Variants in TBCD observed in about 807,000 individuals in gnomAD.
TBCD encodes tubulin-specific chaperone D.
Under a neutral mutation model 169.3 loss-of-function variants are expected in TBCD, and 105 were observed. The ratio of observed to expected loss-of-function variants is 0.62; its 90% confidence interval spans 0.53 to 0.73. TBCD has a LOEUF of 0.73. TBCD is among the 30% of genes least tolerant of loss of function. The pLI, the probability that TBCD is intolerant of heterozygous loss-of-function variation, is 0.00. For synonymous variants in TBCD, 700 were observed against 643.9 expected (o/e 1.09, Z -1.32); for missense variants, 1,444 against 1,600.1 (o/e 0.90, Z 1.66).
chr17:82,809,622 G>A, intron 11 of TBCD, 86 bp from the exon 12 acceptor site: 1 of 1,385,014 alleles, frequency 7.2e-7, no homozygotes, highest in Non-Finnish European at 1.0e-6. Flanking sequence ...GGAAAGGATG[G>A]GTGTTCAGGC....
rs921785918 is a variant in TBCD, at chr17:82,782,968, GCCTCCTGTCCGCTGTGC to G, written c.771+1260_771+1276del. Among the ~76,000 whole-genome samples the G allele has an allele frequency of 1.3e-5, 2 of 149,210 alleles. No individual in the cohort carries two copies. Among genetic ancestry groups the G allele is most frequent in the Non-Finnish European group, 3.0e-5 (2 of 67,232 alleles). On this transcript the variant is annotated intron_variant, in intron 7 of 38. Transcript: ENST00000355528. This position sits in a 1 kb window ranked among gnomAD's most constrained non-coding sequence, Gnocchi z 5.1. Reference sequence around the variant, plus strand: ...CCGCGGTGCCCTCCTGTCCATGGTGGCCTCCTGTCCGCTGTGCCCTCCTGTCCGCGGCGTCGTCTTCC... The same window carrying G: ...CCGCGGTGCCCTCCTGTCCATGGTGGCCTCCTGTCCGCGGCGTCGTCTTCC...
Position 82,889,665 on chromosome 17 carries a change from C to T in TBCD, c.1534-3C>T, listed in dbSNP as rs776924359. 3 of 1,613,808 alleles carry T rather than the reference C, an allele frequency of 1.9e-6. No individual in the cohort carries two copies. The African/African-American group carries it at 4.0e-5, about 22-fold the overall frequency. On this transcript the variant is annotated splice_polypyrimidine_tract_variant and splice_region_variant and intron_variant, in intron 15 of 38. Transcript: ENST00000355528. The surrounding 1 kb of genome is among the most constrained non-coding windows in gnomAD (Gnocchi z 5.3). ...CCTGCTGTGTTTGTTCTTTGCTCCG[C>T]AGGCCGCCTTCCAGGAGAATGTGGG...
chr17:82,865,336 C>T (rs11870134), intron 13 of TBCD, among the ~76,000 whole-genome samples: 3,726 of 152,264 alleles, frequency 0.024, 176 homozygotes, highest in African/African-American at 0.084. Context: ...CCGTTTCCTG[C>T]GCTCGGGCTC....
intron 13 of TBCD, among the ~76,000 whole-genome samples, chr17:82,869,538 T>C (rs1377147502): frequency 6.6e-6 from 1 of 152,164 alleles, no homozygotes; most frequent in Non-Finnish European, 1.5e-5. Flanking sequence ...AAGAAATAAA[T>C]GAAATCACAC....
intron 17 of TBCD, among the ~76,000 whole-genome samples, chr17:82,897,143 T>C (rs1416826418): frequency 1.3e-5 from 2 of 152,190 alleles, no homozygotes; most frequent in African/African-American, 4.8e-5. Context: ...TTTCAGATGC[T>C]TCCTTGCTAC....
chr17:82,854,768 G>A (rs568853727), intron 13 of TBCD, among the ~76,000 whole-genome samples: 10 of 152,258 alleles, frequency 6.6e-5, no homozygotes, highest in African/African-American at 2.2e-4. Flanking sequence ...TGCTGGAAAC[G>A]ATGACCAGAA....
At chr17:82,902,429 C>T (rs1470869738) in intron 18 of TBCD, among the ~76,000 whole-genome samples, 1 of 152,280 alleles carries the variant, frequency 6.6e-6, no homozygotes, top group Non-Finnish European at 1.5e-5. Context: ...CTCCGCTTCT[C>T]AGGTGCTTTG....
chr17:82,783,245 C>T (rs967361885), intron 7 of TBCD, among the ~76,000 whole-genome samples: 2 of 152,258 alleles, frequency 1.3e-5, no homozygotes, highest in Middle Eastern at 3.4e-3. Flanking sequence ...AGGTTTCAGA[C>T]GTGTGAGAGA....
chr17:82,803,197 T>C (rs2144719012), intron 9 of TBCD, among the ~76,000 whole-genome samples: 1 of 152,276 alleles, frequency 6.6e-6, no homozygotes, highest in East Asian at 1.9e-4. Flanking sequence ...GCTCGAGGCT[T>C]TGTTAGGGTG....
chr17:82,842,541 G>T (rs769247535), intron 13 of TBCD, among the ~76,000 whole-genome samples: 1 of 152,100 alleles, frequency 6.6e-6, no homozygotes, highest in Non-Finnish European at 1.5e-5. Context: ...GCACTGGAAG[G>T]CCTGCTGCTC....
chr17:82,832,160 C>A lies in TBCD; in HGVS notation c.1318+17226C>A. On this transcript the variant is annotated intron_variant, in intron 13 of 38. Coordinates refer to ENST00000355528, the MANE Select transcript of TBCD (RefSeq NM_005993.5). This position sits in a 1 kb window ranked among gnomAD's most constrained non-coding sequence, Gnocchi z 4.9. ...GCAGAGCTGTGCTGAAGCTTCGAGT[C>A]GAAGGCAGAGAGTCCATTTGCGACA... 1 of 1,614,170 alleles carries A rather than the reference C, an allele frequency of 6.2e-7. No homozygotes were observed. Among genetic ancestry groups the A allele is most frequent in the South Asian group, 1.1e-5 (1 of 91,080 alleles).
In TBCD at chr17:82,941,456, C is replaced by T. The variant is rs180720643; in HGVS notation, c.3537C>T (p.Gly1179=). 1,056 of 1,602,094 alleles carry T rather than the reference C, an allele frequency of 6.6e-4. 1 individual carries two copies. The highest frequency in any genetic ancestry group is 4.9e-4 in the Non-Finnish European group (573 of 1,175,908). ...EQRNRLCDLL[G]VPRPQLVPQP... ...GCAACCGTCTGTGTGACCTTCTGGG[C>T]GTACCCAGGCCCCAGCTGGTGCCCC... is the stretch of plus-strand genomic sequence containing the variant. The change falls in exon 38 of 39, where the codon GGC becomes GGT. Residue 1179 remains glycine, a synonymous_variant. Transcript: ENST00000355528.
rs2147195360 is a variant in TBCD, at chr17:82,923,791, G to A, written c.2260+58G>A. The A allele has an allele frequency of 3.5e-6, 5 of 1,426,520 alleles. No individual in the cohort carries two copies. In the South Asian group the frequency reaches 3.7e-5, roughly 11 times the overall value. 88.4% of individuals were successfully genotyped at this position (1,426,520 alleles called of 1,614,324 possible). ...GGGGCTTCCAGCAGGAAGCTGCTGGGGAGTGTCTGGGCACGGAGGAGGCCT... is the reference window on the plus strand; with the variant it reads ...GGGGCTTCCAGCAGGAAGCTGCTGGAGAGTGTCTGGGCACGGAGGAGGCCT... On this transcript the variant is annotated intron_variant, in intron 26 of 38. Transcript: ENST00000355528. This position sits in a 1 kb window ranked among gnomAD's most constrained non-coding sequence, Gnocchi z 4.6.
rs750293670 is a variant in TBCD, at chr17:82,831,939, C to T, written c.1318+17005C>T. The T allele has an allele frequency of 5.6e-6, 9 of 1,613,992 alleles. No homozygotes were observed. The highest frequency in any genetic ancestry group is 4.4e-5 in the South Asian group (4 of 91,082). On this transcript the variant is annotated intron_variant, in intron 13 of 38. Transcript: ENST00000355528. This position sits in a 1 kb window ranked among gnomAD's most constrained non-coding sequence, Gnocchi z 4.6. Reference sequence around the variant, plus strand: ...TCTCGGGCGCCTCGGCGTTGTCTGGCCCCTTGAGTCTGTGCTCGCCGACTG... The same window carrying T: ...TCTCGGGCGCCTCGGCGTTGTCTGGTCCCTTGAGTCTGTGCTCGCCGACTG...
At chr17:82,906,619 C>T (rs774205238) in intron 20 of TBCD, among the ~76,000 whole-genome samples, 2 of 152,238 alleles carry the variant, frequency 1.3e-5, no homozygotes, top group African/African-American at 4.8e-5. Context: ...GAGTCTTCCT[C>T]AAGAGTAAGA....
chr17:82,941,710 G>T (rs1246749524), intron 38 of TBCD: 6 of 537,678 alleles, frequency 1.1e-5, no homozygotes, highest in South Asian at 2.4e-5. Flanking sequence ...GGGGCGTTTG[G>T]GGGGCCGGGG....
intron 13 of TBCD, among the ~76,000 whole-genome samples, chr17:82,828,387 C>A (rs1253632926): frequency 6.8e-6 from 1 of 147,872 alleles, no homozygotes; most frequent in Non-Finnish European, 1.5e-5. Flanking sequence ...CTCACAGATA[C>A]ATGCACACCC....
At chr17:82,820,490 A>T (rs186433403) in intron 13 of TBCD, among the ~76,000 whole-genome samples, 2 of 152,228 alleles carry the variant, frequency 1.3e-5, no homozygotes, top group African/African-American at 2.4e-5. Flanking sequence ...CTGAGCTTGG[A>T]TGTGTAGATT....
chr17:82,887,946 TA>T, intron 15 of TBCD, among the ~76,000 whole-genome samples: 2 of 152,326 alleles, frequency 1.3e-5, no homozygotes, highest in South Asian at 4.1e-4. Context: ...TTGTTTTTTG[TA>T]GTTCTTGAGT....
Sources: allele counts gnomAD v4.1 joint callset (sites outside exome capture counted in the v4.1 genomes callset), GRCh38; gene constraint gnomAD v4.1.1; non-coding constraint Gnocchi (gnomAD v3.1); transcripts MANE v1.5; gene names NCBI Gene and HGNC (gene_info 2026-07-23, HGNC 2026-07-21).